The following UST variants were observed in gnomAD, a reference collection of about 807,000 sequenced individuals.
UST encodes the protein uronyl 2-sulfotransferase.
UST carries 21 observed loss-of-function variants against 45.6 expected under a neutral mutation model. The observed-to-expected ratio is 0.46, with a 90% CI of 0.33 to 0.66. UST has a LOEUF of 0.66. Among genes scored for constraint, UST ranks in the 30% least tolerant of loss-of-function variants. UST has a pLI of 0.02. For synonymous variants in UST, 215 were observed against 200.6 expected, an observed-to-expected ratio of 1.07 and a Z score of -0.61; for missense variants, 463 against 512.4, an observed-to-expected ratio of 0.90 and a Z score of 0.93.
intron 2 of UST, among the ~76,000 whole-genome samples, chr6:148,921,348 G>GAGAATCGCCC (rs1779701909): frequency 6.6e-6 from 1 of 152,236 alleles, no homozygotes; most frequent in Non-Finnish European, 1.5e-5. Flanking sequence ...AAGTGAACAG[G>GAGAATCGCCC]AGAATCGCCC....
chr6:149,034,467 C>T (rs866528187), intron 7 of UST, among the ~76,000 whole-genome samples: 8 of 148,692 alleles, frequency 5.4e-5, no homozygotes, highest in Admixed American at 1.3e-4. Flanking sequence ...CCTCCCTTCC[C>T]CCAGAGGCCC....
In UST at chr6:148,974,500, C is replaced by A. The variant is rs72988667; in HGVS notation, c.681+9937C>A. On this transcript the variant is annotated intron_variant, in intron 5 of 7. Transcript: ENST00000367463. The stretch of plus-strand genomic sequence containing the variant: ...AATGATACCAGTAGAAGTGGTTTGG[C>A]AGAAATTTCATAAGAAGTTTGATTT... 4.8e-3 allele frequency among the ~76,000 whole-genome samples: 735 copies of A among 152,182 alleles called. 5 individuals are homozygous for A. The highest frequency in any genetic ancestry group is 7.0e-3 in the Non-Finnish European group (476 of 67,996).
At chr6:148,808,428 G>A (rs533699219) in intron 1 of UST, among the ~76,000 whole-genome samples, 1 of 151,902 alleles carries the variant, frequency 6.6e-6, no homozygotes. Context: ...CTGCTTGTGA[G>A]GGGGGTGGGC....
intron 5 of UST, among the ~76,000 whole-genome samples, chr6:148,990,690 G>A (rs1313960865): frequency 6.6e-6 from 1 of 152,080 alleles, no homozygotes; most frequent in African/African-American, 2.4e-5. Context: ...GTGCAAAGAG[G>A]CTCGGCATTA....
chr6:148,772,557 G>A (rs983560222), intron 1 of UST, among the ~76,000 whole-genome samples: 2 of 151,976 alleles, frequency 1.3e-5, no homozygotes, highest in African/African-American at 4.8e-5. Flanking sequence ...TAAGTAGCTG[G>A]GATTACAGGT....
chr6:148,750,403 A>G (rs1422346099), intron 1 of UST, among the ~76,000 whole-genome samples: 1 of 152,222 alleles, frequency 6.6e-6, no homozygotes, highest in Non-Finnish European at 1.5e-5. Flanking sequence ...TGTGCCAGTC[A>G]GTGCATACAC....
chr6:148,892,951 CTCTT>C (rs1018178735), intron 2 of UST, among the ~76,000 whole-genome samples: 8 of 150,614 alleles, frequency 5.3e-5, no homozygotes, highest in Non-Finnish European at 1.0e-4. Context: ...GAGTTTTATT[CTCTT>C]TCTTTTTTTA....
At chr6:148,801,097 A>G (rs1003673790) in intron 1 of UST, among the ~76,000 whole-genome samples, 5 of 152,168 alleles carry the variant, frequency 3.3e-5, no homozygotes, top group African/African-American at 1.2e-4. Flanking sequence ...CTGCCTCATC[A>G]GCTTAGTCTC....
intron 5 of UST, among the ~76,000 whole-genome samples, chr6:148,997,752 A>G (rs1781479709): frequency 6.6e-6 from 1 of 152,210 alleles, no homozygotes; most frequent in South Asian, 2.1e-4. Flanking sequence ...TAGTCCAGTG[A>G]AGCTCCATTT....
intron 1 of UST, among the ~76,000 whole-genome samples, chr6:148,813,900 CAATT>C (rs1424417895): frequency 2.6e-5 from 4 of 152,060 alleles, no homozygotes; most frequent in Non-Finnish European, 5.9e-5. Context: ...AATGAATACT[CAATT>C]AATAGTCATA....
chr6:148,930,585 A>C (rs1779902881), intron 2 of UST, among the ~76,000 whole-genome samples: 1 of 152,038 alleles, frequency 6.6e-6, no homozygotes, highest in Non-Finnish European at 1.5e-5. Flanking sequence ...ATGGTGGAAA[A>C]CCTCCTAGGG....
chr6:148,992,540 A>G (rs1488087599), intron 5 of UST, among the ~76,000 whole-genome samples: 1 of 152,192 alleles, frequency 6.6e-6, no homozygotes. Flanking sequence ...TTTGAGAACC[A>G]CTGTGCTAGA....
intron 1 of UST, among the ~76,000 whole-genome samples, chr6:148,784,134 C>T (rs1776694854): frequency 6.6e-6 from 1 of 152,086 alleles, no homozygotes; most frequent in Non-Finnish European, 1.5e-5. Flanking sequence ...ATGAAAGAAA[C>T]TGTAATCCAT....
At chr6:148,964,606 AGGAGT>A (rs1440669943) in intron 5 of UST, 43 bp downstream of exon 5, 1 of 1,604,354 alleles carries the variant, frequency 6.2e-7, no homozygotes, top group Admixed American at 1.7e-5. Flanking sequence ...CCACTGCCTG[AGGAGT>A]GGGCCCTCCA....
At chr6:148,977,993 C>T (rs1397568625) in intron 5 of UST, among the ~76,000 whole-genome samples, 2 of 152,066 alleles carry the variant, frequency 1.3e-5, no homozygotes, top group African/African-American at 4.8e-5. Context: ...TTAGATCTTG[C>T]ACATTTCTTA....
At chr6:148,970,938 G>A (rs1001698185) in intron 5 of UST, among the ~76,000 whole-genome samples, 10 of 152,180 alleles carry the variant, frequency 6.6e-5, no homozygotes, top group African/African-American at 2.4e-5. Flanking sequence ...GTCTGTAACC[G>A]TACTCACATT....
intron 1 of UST, among the ~76,000 whole-genome samples, chr6:148,875,363 T>G (rs1046913326): frequency 1.3e-5 from 2 of 152,182 alleles, no homozygotes; most frequent in African/African-American, 4.8e-5. Context: ...TTTTGTAAAT[T>G]TTAGAAGATA....
intron 1 of UST, among the ~76,000 whole-genome samples, chr6:148,856,412 C>T (rs1310015620): frequency 1.3e-5 from 2 of 152,192 alleles, no homozygotes; most frequent in Non-Finnish European, 2.9e-5. Context: ...CCACATCCAT[C>T]AGCATAACGT....
At chr6:148,804,881 A>G (rs4897052) in intron 1 of UST, among the ~76,000 whole-genome samples, 2 of 150,066 alleles carry the variant, frequency 1.3e-5, no homozygotes, top group African/African-American at 4.9e-5. Flanking sequence ...TAAAATGAAA[A>G]TATACTGGCA....
Sources: gnomAD v4.1 joint callset for allele counts (sites outside exome capture counted in the v4.1 genomes callset) on GRCh38, gnomAD v4.1.1 for gene constraint, MANE v1.5 for transcripts, NCBI Gene and HGNC (gene_info 2026-07-23, HGNC 2026-07-21) for gene names.